The following USP43 variants were observed in gnomAD, a reference collection of about 807,000 sequenced individuals.
USP43 encodes ubiquitin carboxyl-terminal hydrolase 43.
A neutral mutation model predicts 90.7 loss-of-function variants in USP43; 33 were observed. That is an observed-to-expected ratio of 0.36 (90% CI 0.28 to 0.49). The LOEUF is 0.49. Among genes scored for constraint, USP43 ranks in the 20% least tolerant of loss-of-function variants. The probability of loss-of-function intolerance (pLI) is 0.98; values close to 1 mark genes in which losing one functional copy is unlikely to be tolerated. For synonymous variants in USP43, 598 were observed against 615.8 expected (o/e 0.97, Z 0.43); for missense variants, 1,274 against 1,476.4 (o/e 0.86, Z 2.25).
In USP43 at chr17:9,646,027, G is replaced by C. The variant is rs1453161943; in HGVS notation, c.395G>C (p.Gly132Ala). Residue 132 changes from glycine (G) to alanine (A), a missense_variant, in exon 1 of 15, where the codon GGG (glycine) becomes GCG (alanine). Gly to Ala is a moderately conservative substitution (Grantham distance 60). This residue lies in a region of USP43 where 259 missense variants were observed against 373.7 expected (regional missense o/e 0.69). Transcript: ENST00000285199. Reference sequence around the variant, plus strand: ...CTGCTGGCCGAGTTCCTGGCGCTGGGGCGCTACCGGGCGGCTCCGGGCCGC... The same window carrying C: ...CTGCTGGCCGAGTTCCTGGCGCTGGCGCGCTACCGGGCGGCTCCGGGCCGC... ...TDLLAEFLAL[G>A]RYRAAPGRAE... 1 of 1,488,152 alleles carries C rather than the reference G, an allele frequency of 6.7e-7. No individual in the cohort carries two copies. Among genetic ancestry groups the C allele is most frequent in the Non-Finnish European group, 8.9e-7 (1 of 1,121,250 alleles). 92.2% of individuals were successfully genotyped at this position (1,488,152 alleles called of 1,614,324 possible).
chr17:9,693,238 G>A lies in USP43; in HGVS notation c.1457+8G>A, dbSNP rs1161417841. The A allele has an allele frequency of 1.1e-5, 18 of 1,606,772 alleles. No individual in the cohort carries two copies. The highest frequency in any genetic ancestry group is 2.2e-5 in the South Asian group (2 of 89,762). ...TCACTGGGCAGTTGACAGGTAAGGGGGAAGGTCCAGGTTCAGTCAGCTAAT... is the reference window on the plus strand; with the variant it reads ...TCACTGGGCAGTTGACAGGTAAGGGAGAAGGTCCAGGTTCAGTCAGCTAAT... On this transcript the variant is annotated splice_region_variant and intron_variant, in intron 9 of 14. Coordinates refer to ENST00000285199, the MANE Select transcript of USP43 (RefSeq NM_153210.5).
intron 3 of USP43, among the ~76,000 whole-genome samples, chr17:9,672,799 G>C (rs80350267): frequency 1.3e-5 from 2 of 152,158 alleles, no homozygotes; most frequent in East Asian, 3.8e-4. Context: ...CCTATAATCA[G>C]GTTGATGGTC....
intron 1 of USP43, among the ~76,000 whole-genome samples, chr17:9,648,938 CCTCT>C (rs112759856): frequency 0.056 from 7,217 of 129,820 alleles, 242 homozygotes; most frequent in Non-Finnish European, 0.08. Flanking sequence ...TGTCTCTCTC[CCTCT>C]CTCTCTCTCT....
chr17:9,681,175 A>AT (rs1175353686), intron 6 of USP43, among the ~76,000 whole-genome samples: 3 of 86,820 alleles, frequency 3.5e-5, no homozygotes, highest in African/African-American at 1.8e-4. Context: ...AATATATACT[A>AT]TATAATATAC....
intron 1 of USP43, among the ~76,000 whole-genome samples, chr17:9,648,104 C>T (rs909107941): frequency 1.3e-5 from 2 of 152,198 alleles, no homozygotes; most frequent in Non-Finnish European, 2.9e-5. Flanking sequence ...ATCTCTCTCC[C>T]GCTGTCAAAT....
At chr17:9,676,699 C>T in intron 4 of USP43, 47 bp from the exon 5 acceptor site, 1 of 1,576,844 alleles carries the variant, frequency 6.3e-7, no homozygotes, top group Middle Eastern at 1.7e-4. Flanking sequence ...ATGTCATTCA[C>T]AGTTCATGTC....
upstream of USP43, chr17:9,645,397 C>CGGCACCAGGCAGGGGT (rs1911287903): frequency 3.7e-6 from 1 of 273,902 alleles, no homozygotes; most frequent in Non-Finnish European, 6.7e-6. This position sits in a 1 kb window ranked among gnomAD's most constrained non-coding sequence, Gnocchi z 6.8. Flanking sequence ...GCAGCGGGGG[C>CGGCACCAGGCAGGGGT]GGCACCAGGC....
intron 2 of USP43, 138 bp downstream of exon 2, chr17:9,656,672 T>G: frequency 1.8e-6 from 2 of 1,094,602 alleles, no homozygotes; most frequent in Non-Finnish European, 2.5e-6. Flanking sequence ...CCACAGTCTG[T>G]TCCCTGCTTC....
chr17:9,719,136 A>G (rs1053330119), intron 14 of USP43, among the ~76,000 whole-genome samples: 1 of 152,160 alleles, frequency 6.6e-6, no homozygotes, highest in African/African-American at 2.4e-5. Flanking sequence ...GTCCAAAAAA[A>G]AGTCTCTACA....
At chr17:9,670,289 T>A (rs755541982) in intron 3 of USP43, among the ~76,000 whole-genome samples, 8 of 152,098 alleles carry the variant, frequency 5.3e-5, no homozygotes, top group Non-Finnish European at 8.8e-5. Flanking sequence ...TCCACCTGCC[T>A]CGGCCTCCCA....
At chr17:9,712,853 C>A (rs56827035) in intron 14 of USP43, among the ~76,000 whole-genome samples, 9,305 of 152,114 alleles carry the variant, frequency 0.061, 938 homozygotes, top group African/African-American at 0.2. Flanking sequence ...AAAAAATTGA[C>A]ACATAATAAT....
At position 9,645,689 on chromosome 17, in the gene USP43, C is replaced by A; in HGVS notation, c.57C>A (p.Arg19=). Residue 19 remains arginine (R), a synonymous_variant, in exon 1 of 15, where the codon CGC becomes CGA. Transcript: ENST00000285199. This position sits in a 1 kb window ranked among gnomAD's most constrained non-coding sequence, Gnocchi z 6.8. ...AGGGPLAPRP[R]RRRSLRRLFS... is the part of the protein sequence containing the mutation. ...GGGGACCGCTCGCGCCCCGGCCCCGCCGCCGCCGCTCCCTGCGCCGCCTGT... is the reference window on the plus strand; with the variant it reads ...GGGGACCGCTCGCGCCCCGGCCCCGACGCCGCCGCTCCCTGCGCCGCCTGT... 7.7e-7 allele frequency: 1 copy of A among 1,292,402 alleles called. No individual in the cohort carries two copies. The highest frequency in any genetic ancestry group is 2.5e-5 in the South Asian group (1 of 40,540). The allele number at this position is 1,292,402 out of a possible 1,614,324, so 80.1% of individuals were successfully genotyped here.
At chr17:9,673,303 G>A (rs1913560175) in intron 3 of USP43, among the ~76,000 whole-genome samples, 1 of 152,050 alleles carries the variant, frequency 6.6e-6, no homozygotes, top group African/African-American at 2.4e-5. Context: ...TCAGGAGTTC[G>A]AGACCAGCCT....
intron 2 of USP43, 36 bp from the exon 3 acceptor site, chr17:9,666,612 T>A (rs867243564): frequency 2.6e-6 from 4 of 1,540,144 alleles, no homozygotes; most frequent in African/African-American, 2.7e-5. Flanking sequence ...ATGAGAGGTG[T>A]ATCTAATCTG....
chr17:9,712,927 A>C (rs1018031489), intron 14 of USP43, among the ~76,000 whole-genome samples: 9 of 152,202 alleles, frequency 5.9e-5, no homozygotes, highest in Non-Finnish European at 1.3e-4. Flanking sequence ...CATTACATAC[A>C]AACTAGGGTA....
At chr17:9,689,472 T>C (rs548513370) in intron 8 of USP43, among the ~76,000 whole-genome samples, 62 of 152,148 alleles carry the variant, frequency 4.1e-4, no homozygotes, top group African/African-American at 1.3e-3. Flanking sequence ...AGTGTGGTGG[T>C]GTGATCATAG....
At chr17:9,703,614 C>T (rs2151990101) in intron 12 of USP43, among the ~76,000 whole-genome samples, 2 of 152,236 alleles carry the variant, frequency 1.3e-5, no homozygotes, top group South Asian at 4.1e-4. Flanking sequence ...GGAGAGGAGC[C>T]CAAGGGAAAG....
chr17:9,655,964 G>A (rs1912212259), intron 1 of USP43, among the ~76,000 whole-genome samples: 1 of 152,286 alleles, frequency 6.6e-6, no homozygotes, highest in South Asian at 2.1e-4. Flanking sequence ...GCGAGGGAGA[G>A]CAAGTAGGGC....
intron 1 of USP43, among the ~76,000 whole-genome samples, chr17:9,649,232 G>C (rs1011550945): frequency 6.6e-6 from 1 of 152,096 alleles, no homozygotes; most frequent in African/African-American, 2.4e-5. Flanking sequence ...GCTTGAACCT[G>C]GGAGGCGGAG....
Sources: gnomAD v4.1 joint callset for allele counts (sites outside exome capture counted in the v4.1 genomes callset) on GRCh38, gnomAD v4.1.1 for gene constraint, gnomAD v4.1.1 regional missense constraint, Gnocchi (gnomAD v3.1) non-coding constraint, MANE v1.5 for transcripts, NCBI Gene and HGNC (gene_info 2026-07-23, HGNC 2026-07-21) for gene names.